The following KIF18A variants were observed in gnomAD, a reference collection of about 807,000 sequenced individuals.
The protein encoded by KIF18A is kinesin family member 18A.
A neutral mutation model predicts 103.3 loss-of-function variants in KIF18A; 67 were observed. That is an observed-to-expected ratio of 0.65 (90% CI 0.53 to 0.79). The LOEUF is 0.79. Among genes scored for constraint, KIF18A ranks in the 30% least tolerant of loss-of-function variants. The pLI is 0.00. For missense variants in KIF18A, 1,032 were observed against 1,062.5 expected (o/e 0.97, Z 0.40); for synonymous variants, 367 against 355.5 (o/e 1.03, Z -0.36).
At chr11:28,084,894 G>T in intron 6 of KIF18A, 86 bp from the exon 7 acceptor site, 1 of 965,778 alleles carries the variant, frequency 1.0e-6, no homozygotes, top group Non-Finnish European at 1.6e-6. Context: ...TGTGGGGGGA[G>T]GATTACCTAG....
chr11:28,070,741 G>C (rs1050955204), intron 10 of KIF18A, among the ~76,000 whole-genome samples: 1 of 152,174 alleles, frequency 6.6e-6, no homozygotes, highest in African/African-American at 2.4e-5. Flanking sequence ...TGAGAATTGT[G>C]ACAGAATGCT....
intron 16 of KIF18A, among the ~76,000 whole-genome samples, chr11:28,022,972 A>G (rs574068354): frequency 6.6e-6 from 1 of 152,332 alleles, no homozygotes; most frequent in Admixed American, 6.5e-5. Context: ...TGCATTTGCT[A>G]TAATTATCAG....
intron 13 of KIF18A, among the ~76,000 whole-genome samples, chr11:28,043,092 A>G (rs899855770): frequency 9.9e-5 from 15 of 151,916 alleles, no homozygotes; most frequent in African/African-American, 3.6e-4. Flanking sequence ...GCTATGCAAT[A>G]TAGTAAAATG....
At chr11:28,041,804 A>G (rs1443185142) in intron 13 of KIF18A, among the ~76,000 whole-genome samples, 1 of 151,828 alleles carries the variant, frequency 6.6e-6, no homozygotes, top group Non-Finnish European at 1.5e-5. Context: ...CTATATATGT[A>G]ATTAGCTGCC....
chr11:28,029,554 C>G (rs909891116), intron 15 of KIF18A, among the ~76,000 whole-genome samples: 1 of 152,112 alleles, frequency 6.6e-6, no homozygotes, highest in Non-Finnish European at 1.5e-5. Context: ...CTATCTATGA[C>G]AAACCCACAG....
rs1565092842 is a variant in KIF18A, at chr11:28,100,967, G to A, written c.-46-2974C>T. Among the ~76,000 whole-genome samples the A allele has an allele frequency of 2.0e-5, 3 of 152,146 alleles. No individual in the cohort carries two copies. In the South Asian group the frequency reaches 6.2e-4, roughly 31 times the overall value. ...ATAAAAGAGATAATAATACCTCAAT[G>A]TTTGTTGCAAAGGCTAAAAGGGGTA... On this transcript the variant is annotated intron_variant, in intron 1 of 16. Transcript: ENST00000263181.
chr11:28,045,145 A>G (rs2133506347), intron 13 of KIF18A, among the ~76,000 whole-genome samples: 1 of 152,186 alleles, frequency 6.6e-6, no homozygotes, highest in Admixed American at 6.6e-5. Flanking sequence ...TTGACAATAA[A>G]ACATAGGATA....
chr11:28,086,280 T>C (rs1851227702), intron 6 of KIF18A, among the ~76,000 whole-genome samples: 1 of 152,190 alleles, frequency 6.6e-6, no homozygotes, highest in Admixed American at 6.5e-5. Flanking sequence ...GCTACTTTTC[T>C]CCTTAAATAA....
chr11:28,058,993 G>A lies in KIF18A; in HGVS notation c.1881C>T (p.Asn627=), dbSNP rs1590685181. Reference sequence around the variant, plus strand: ...TAAGAACAGAAATCCCTGGTAGATCGTTTTGCTTTGGTTGTTCGGCAGTTT... The same window carrying A: ...TAAGAACAGAAATCCCTGGTAGATCATTTTGCTTTGGTTGTTCGGCAGTTT... ...ADQTAEQPKQ[N]DLPGISVLMT... The change falls in exon 13 of 17, where the codon AAC becomes AAT. Residue 627 remains asparagine (N), a synonymous_variant. Coordinates refer to ENST00000263181, the MANE Select transcript of KIF18A (RefSeq NM_031217.4). The A allele has an allele frequency of 5.6e-6, 9 of 1,614,000 alleles. No homozygotes were observed. The highest frequency in any genetic ancestry group is 1.7e-5 in the Admixed American group (1 of 60,012).
At chr11:28,031,333 C>T (rs1311783249) in intron 15 of KIF18A, among the ~76,000 whole-genome samples, 1 of 152,056 alleles carries the variant, frequency 6.6e-6, no homozygotes, top group Admixed American at 6.6e-5. Flanking sequence ...ACATATACAC[C>T]ATGGAAGACT....
At position 28,058,989 on chromosome 11, in the gene KIF18A, G is replaced by T. The variant is rs985943353; in HGVS notation, c.1885C>A (p.Leu629Ile). 3.1e-6 allele frequency: 5 copies of T among 1,614,088 alleles called. No individual in the cohort carries two copies. Among genetic ancestry groups the T allele is most frequent in the Middle Eastern group, 1.6e-4 (1 of 6,062 alleles). Reference sequence around the variant, plus strand: ...GTCATAAGAACAGAAATCCCTGGTAGATCGTTTTGCTTTGGTTGTTCGGCA... The same window carrying T: ...GTCATAAGAACAGAAATCCCTGGTATATCGTTTTGCTTTGGTTGTTCGGCA... ...QTAEQPKQND[L>I]PGISVLMTFP... The change falls in exon 13 of 17, where the codon CTA (leucine) becomes ATA (isoleucine). Residue 629 changes from leucine to isoleucine, a missense_variant. By Grantham distance (5) the Leu-to-Ile change is conservative (BLOSUM62 2). Coordinates refer to ENST00000263181, the MANE Select transcript of KIF18A (RefSeq NM_031217.4).
intron 9 of KIF18A, among the ~76,000 whole-genome samples, chr11:28,080,766 T>C (rs1005878040): frequency 2.0e-5 from 3 of 152,066 alleles, no homozygotes; most frequent in African/African-American, 4.8e-5. Context: ...AATCAAAAGC[T>C]GGAAATTACT....
intron 13 of KIF18A, chr11:28,056,956 A>G: frequency 2.6e-6 from 1 of 379,048 alleles, no homozygotes; most frequent in South Asian, 1.9e-5. Flanking sequence ...AAAATTCCCC[A>G]TAATGGAAAA....
At chr11:28,055,945 C>T (rs1181054616) in intron 13 of KIF18A, among the ~76,000 whole-genome samples, 1 of 152,022 alleles carries the variant, frequency 6.6e-6, no homozygotes, top group East Asian at 1.9e-4. Flanking sequence ...GGTTGCATGA[C>T]CATACTAAAA....
At chr11:28,083,109 T>C (rs1851185914) in intron 8 of KIF18A, 60 bp downstream of exon 8, 18 of 1,547,260 alleles carry the variant, frequency 1.2e-5, no homozygotes, top group Non-Finnish European at 1.4e-5. Flanking sequence ...CAATTAAGAT[T>C]ATAAAATTCT....
chr11:28,082,403 C>G (rs1416555890), intron 9 of KIF18A, among the ~76,000 whole-genome samples: 1 of 152,058 alleles, frequency 6.6e-6, no homozygotes, highest in Non-Finnish European at 1.5e-5. Context: ...ATTACTCTTA[C>G]TAGTCAGATG....
At chr11:28,099,538 C>T (rs1851419839) in intron 1 of KIF18A, among the ~76,000 whole-genome samples, 1 of 152,102 alleles carries the variant, frequency 6.6e-6, no homozygotes, top group African/African-American at 2.4e-5. Flanking sequence ...CCACTGTGTA[C>T]ACATGTATCA....
chr11:28,091,569 C>T, intron 3 of KIF18A, 56 bp from the exon 4 acceptor site: 1 of 869,062 alleles, frequency 1.2e-6, no homozygotes, highest in Non-Finnish European at 1.9e-6. Flanking sequence ...ATGGTGATTA[C>T]ATCACACATA....
At chr11:28,039,763 A>G (rs1850536127) in intron 13 of KIF18A, among the ~76,000 whole-genome samples, 1 of 151,826 alleles carries the variant, frequency 6.6e-6, no homozygotes, top group African/African-American at 2.4e-5. Flanking sequence ...CTCTCCTGGC[A>G]GAGTATAAGC....
Sources: gnomAD v4.1 joint callset for allele counts (sites outside exome capture counted in the v4.1 genomes callset) on GRCh38, gnomAD v4.1.1 for gene constraint, MANE v1.5 for transcripts, NCBI Gene and HGNC (gene_info 2026-07-23, HGNC 2026-07-21) for gene names.